Variants in GART observed in about 807,000 individuals in gnomAD.
GART encodes trifunctional purine biosynthetic protein adenosine-3.
GART carries 43 observed loss-of-function variants against 107.2 expected under a neutral mutation model. The observed-to-expected ratio is 0.40, with a 90% CI of 0.31 to 0.52. GART has a LOEUF of 0.52. Among genes scored for constraint, GART ranks in the 20% least tolerant of loss-of-function variants. GART has a pLI of 0.52. For synonymous variants in GART, 434 were observed against 427.0 expected (o/e 1.02, Z -0.20); for missense variants, 1,107 against 1,206.5 (o/e 0.92, Z 1.22).
chr21:33,518,886 T>C (rs1601192400), intron 14 of GART: 2 of 532,042 alleles, frequency 3.8e-6, no homozygotes, highest in Middle Eastern at 6.1e-4. Context: ...CAGCATGGCC[T>C]GTAATGGTGA....
At chr21:33,517,717 G>T in intron 14 of GART, 109 bp from the exon 15 acceptor site, 1 of 1,108,368 alleles carries the variant, frequency 9.0e-7, no homozygotes, top group Non-Finnish European at 1.3e-6. Context: ...GCTATGTCCT[G>T]CAAATATTTA....
At chr21:33,542,774 G>A, upstream of GART, 1 of 417,214 alleles carries the variant, frequency 2.4e-6, no homozygotes. Flanking sequence ...AAACACTGCT[G>A]GGGACTGACA....
In GART at chr21:33,517,418, C is replaced by T; in HGVS notation, c.1893G>A (p.Val631=). ...SNGFSLVRKI[V]AKSSLQYSSP... Reference sequence around the variant, plus strand: ...AGGAGTACTGGAGGGAAGATTTTGCCACGATTTTCCTCACAAGGCTAAATC... The same window carrying T: ...AGGAGTACTGGAGGGAAGATTTTGCTACGATTTTCCTCACAAGGCTAAATC... Residue 631 remains valine, a synonymous_variant, in exon 15 of 22, where the codon GTG becomes GTA. Transcript: ENST00000381815. The T allele has an allele frequency of 6.2e-7, 1 of 1,614,110 alleles. No homozygotes were observed. The highest frequency in any genetic ancestry group is 8.5e-7 in the Non-Finnish European group (1 of 1,180,002).
rs141228441 is a variant in GART, at chr21:33,515,457, C to T, written c.2107+1532G>A. 8.4e-3 allele frequency among the ~76,000 whole-genome samples: 1,277 copies of T among 151,966 alleles called. 22 individuals carry two copies. The highest frequency in any genetic ancestry group is 0.03 in the African/African-American group (1,224 of 41,456). The stretch of plus-strand genomic sequence containing the variant: ...GAGATTGAGACCATCCTGGCCAACA[C>T]GGTGAAACCCCGTGTCTACTAAAAA... On this transcript the variant is annotated intron_variant, in intron 16 of 21. Transcript: ENST00000381815.
At chr21:33,531,947 G>C in intron 5 of GART, 1 of 245,606 alleles carries the variant, frequency 4.1e-6, no homozygotes, top group Non-Finnish European at 7.8e-6. Context: ...TACAAGGACA[G>C]AAAACCCACA....
At chr21:33,532,796 A>T (rs2085218558) in intron 4 of GART, among the ~76,000 whole-genome samples, 1 of 152,208 alleles carries the variant, frequency 6.6e-6, no homozygotes. Flanking sequence ...TCAGGTAGAA[A>T]ATGCGGCTGT....
chr21:33,510,994 T>C (rs1226242399), intron 17 of GART, among the ~76,000 whole-genome samples: 1 of 152,118 alleles, frequency 6.6e-6, no homozygotes, highest in Non-Finnish European at 1.5e-5. Context: ...CATGAGGTCT[T>C]GTGTGTAGGG....
intron 18 of GART, among the ~76,000 whole-genome samples, chr21:33,508,351 C>T (rs998945420): frequency 1.3e-5 from 2 of 151,700 alleles, no homozygotes; most frequent in African/African-American, 4.8e-5. Flanking sequence ...ATTTTAGATT[C>T]GGGGGTACAC....
At chr21:33,509,269 C>T (rs60251785) in intron 18 of GART, 2,251 of 152,728 alleles carry the variant, frequency 0.015, 53 homozygotes, top group African/African-American at 0.048. Context: ...AAAAGAATCA[C>T]TATGATCTTG....
rs74411315 is a variant in GART, at chr21:33,520,214, T to C, written c.1702+150A>G. 2,457 of 670,148 alleles carry C rather than the reference T, an allele frequency of 3.7e-3. 48 individuals carry two copies. The African/African-American group carries it at 0.041, about 11-fold the overall frequency. The allele number at this position is 670,148 out of a possible 1,614,324, so 41.5% of individuals were successfully genotyped here. A position where few individuals can be genotyped will look rare whatever the true frequency, so the allele number is the denominator to read the frequency against. ...GCTCTAAATTTAATTCAGGTAGTTT[T>C]ACCTATATTTCATTTGTGCATATCA... On this transcript the variant is annotated intron_variant, in intron 14 of 21. Coordinates refer to ENST00000381815, the MANE Select transcript of GART (RefSeq NM_000819.5).
At chr21:33,517,290 G>A (rs535756411) in intron 15 of GART, 67 bp downstream of exon 15, 2 of 1,594,390 alleles carry the variant, frequency 1.3e-6, no homozygotes, top group African/African-American at 1.3e-5. Flanking sequence ...AGTAATCAGA[G>A]ACTAAAACCA....
intron 18 of GART, chr21:33,509,576 T>C: frequency 2.4e-6 from 1 of 415,506 alleles, no homozygotes; most frequent in Non-Finnish European, 4.2e-6. Context: ...ACCAGCTTTC[T>C]GACATCCTTT....
At chr21:33,511,522 C>T in intron 16 of GART, 64 bp from the exon 17 acceptor site, 1 of 1,457,342 alleles carries the variant, frequency 6.9e-7, no homozygotes, top group Non-Finnish European at 9.6e-7. Flanking sequence ...CAAAAGTATG[C>T]ACATATTCAA....
intron 10 of GART, among the ~76,000 whole-genome samples, chr21:33,525,261 G>A (rs2085051417): frequency 6.6e-6 from 1 of 151,982 alleles, no homozygotes; most frequent in African/African-American, 2.4e-5. Context: ...GCCAAGTGTG[G>A]CGGCACACAC....
intron 1 of GART, among the ~76,000 whole-genome samples, chr21:33,540,697 A>C (rs1329112763): frequency 2.6e-5 from 4 of 152,238 alleles, no homozygotes; most frequent in Admixed American, 6.5e-5. Context: ...ACTTACCACA[A>C]GACAAACTGG....
At chr21:33,538,413 T>G (rs2085344689) in intron 2 of GART, among the ~76,000 whole-genome samples, 1 of 152,002 alleles carries the variant, frequency 6.6e-6, no homozygotes, top group Non-Finnish European at 1.5e-5. Flanking sequence ...ATTTTTTTTT[T>G]GTAGAGATCG....
At chr21:33,530,592 A>C (rs2085166840) in intron 7 of GART, 167 bp downstream of exon 7, 1 of 632,934 alleles carries the variant, frequency 1.6e-6, no homozygotes, top group Non-Finnish European at 2.3e-6. Context: ...TTTTAGGAAA[A>C]GTTAGTTTTA....
At chr21:33,537,577 G>A (rs2085328937) in intron 2 of GART, among the ~76,000 whole-genome samples, 1 of 152,180 alleles carries the variant, frequency 6.6e-6, no homozygotes, top group African/African-American at 2.4e-5. Context: ...AAATGGGGAT[G>A]GACACTTGCT....
In GART at chr21:33,534,711, C is replaced by T; in HGVS notation, c.284G>A (p.Gly95Asp). The change falls in exon 4 of 22, where the codon GGC becomes GAC. Residue 95 changes from glycine to aspartate, a missense_variant. By Grantham distance (94) the Gly-to-Asp change is moderately conservative (BLOSUM62 -1). Coordinates refer to ENST00000381815, the MANE Select transcript of GART (RefSeq NM_000819.5). ...NLRSAGVQCFGPTAEAAQLES... is the reference protein window; with the variant it reads ...NLRSAGVQCFDPTAEAAQLES... ...TAACTGAGCCGCTTCTGCTGTTGGG[C>T]CAAAGCATTGCACTCCTGCAGACCT... is the stretch of plus-strand genomic sequence containing the variant. 1 of 1,610,206 alleles carries T rather than the reference C, an allele frequency of 6.2e-7. No homozygotes were observed. The highest frequency in any genetic ancestry group is 8.5e-7 in the Non-Finnish European group (1 of 1,178,316).
Sources: gnomAD v4.1 joint callset for allele counts (sites outside exome capture counted in the v4.1 genomes callset) on GRCh38, gnomAD v4.1.1 for gene constraint, MANE v1.5 for transcripts, NCBI Gene and HGNC (gene_info 2026-07-23, HGNC 2026-07-21) for gene names.